Variants in CMIP observed in about 807,000 individuals in gnomAD.
The protein encoded by CMIP is c-Maf inducing protein, also known as C-Maf-inducing protein.
A neutral mutation model predicts 97.3 loss-of-function variants in CMIP; 13 were observed. That is an observed-to-expected ratio of 0.13 (90% CI 0.09 to 0.21). CMIP has a LOEUF of 0.21. Ranked by LOEUF, CMIP falls within the 10% of genes least tolerant of loss-of-function variation. CMIP has a pLI of 1.00. For missense variants in CMIP, 847 were observed against 1,024.9 expected, an observed-to-expected ratio of 0.83 and a Z score of 2.37; for synonymous variants, 538 against 436.3, an observed-to-expected ratio of 1.23 and a Z score of -2.91.
chr16:81,664,459 C>T (rs140212302), intron 7 of CMIP, 110 bp downstream of exon 7: 21 of 1,023,914 alleles, frequency 2.1e-5, no homozygotes, highest in South Asian at 9.8e-5. Context: ...GTTGGCCCAG[C>T]GTGACAGCCA....
rs576486698 is a variant in CMIP, at chr16:81,606,481, G to C, written c.301-1086G>C. Reference sequence around the variant, plus strand: ...GCTCCTGGTGGCCATTGTATCCCTCGGTCACCTGGTGCCTTCTCGGGACAG... The same window carrying C: ...GCTCCTGGTGGCCATTGTATCCCTCCGTCACCTGGTGCCTTCTCGGGACAG... On this transcript the variant is annotated intron_variant, in intron 1 of 20. Coordinates refer to ENST00000537098, the MANE Select transcript of CMIP (RefSeq NM_198390.3). 1.1e-4 allele frequency among the ~76,000 whole-genome samples: 17 copies of C among 152,220 alleles called. No individual in the cohort carries two copies. In the South Asian group the frequency reaches 3.5e-3, roughly 32 times the overall value.
In CMIP at chr16:81,599,322, C is replaced by G. The variant is rs377209467; in HGVS notation, c.301-8245C>G. Among the ~76,000 whole-genome samples, 37 of 152,188 alleles carry G rather than the reference C, an allele frequency of 2.4e-4. 1 individual carries two copies. Among genetic ancestry groups the G allele is most frequent in the African/African-American group, 8.0e-4 (33 of 41,442 alleles). On this transcript the variant is annotated intron_variant, in intron 1 of 20. Transcript: ENST00000537098. Reference sequence around the variant, plus strand: ...ATTTCTTCTGGGACCAAGGCCCAAACCGGCCCTTCTAGGATCATATCGTTA... The same window carrying G: ...ATTTCTTCTGGGACCAAGGCCCAAAGCGGCCCTTCTAGGATCATATCGTTA...
intron 1 of CMIP, among the ~76,000 whole-genome samples, chr16:81,488,216 A>G (rs1446626751): frequency 1.3e-5 from 2 of 152,104 alleles, no homozygotes; most frequent in South Asian, 2.1e-4. Flanking sequence ...CGAAGCTGAG[A>G]GAGTGCGACC....
chr16:81,620,586 G>A, intron 2 of CMIP: 1 of 354,254 alleles, frequency 2.8e-6, no homozygotes, highest in South Asian at 3.3e-5. Flanking sequence ...CCAGCTGTGT[G>A]TGCAGTTAAA....
At chr16:81,509,635 G>A (rs1327284332) in intron 1 of CMIP, among the ~76,000 whole-genome samples, 2 of 152,192 alleles carry the variant, frequency 1.3e-5, no homozygotes, top group East Asian at 3.8e-4. Context: ...TCGAGCCAGG[G>A]CGGCCCTAAG....
chr16:81,696,442 G>A, intron 13 of CMIP, 118 bp from the exon 14 acceptor site: 1 of 970,314 alleles, frequency 1.0e-6, no homozygotes, highest in Non-Finnish European at 1.6e-6. Flanking sequence ...ACAAAGTTAA[G>A]CGGGTTTCTT....
chr16:81,645,235 C>T lies in CMIP; in HGVS notation c.478-6968C>T, dbSNP rs1261168708. 4.8e-5 allele frequency: 25 copies of T among 518,238 alleles called. No individual in the cohort carries two copies. In the Middle Eastern group the frequency reaches 2.0e-3, roughly 42 times the overall value. The allele number at this position is 518,238 out of a possible 1,614,324, so 32.1% of individuals were successfully genotyped here. A position where few individuals can be genotyped will look rare whatever the true frequency, so the allele number is the denominator to read the frequency against. On this transcript the variant is annotated intron_variant, in intron 3 of 20. Transcript: ENST00000537098. ...CTGCACTGGAAAAAGTTTTCAAAGC[C>T]GGGCTGGGTCCTCCCTGGCTCATAT...
chr16:81,704,127 C>G (rs993736675), intron 18 of CMIP, 42 bp downstream of exon 18: 3 of 1,570,776 alleles, frequency 1.9e-6, no homozygotes, highest in Non-Finnish European at 2.6e-6. Context: ...CACCCTCCTC[C>G]TTCACCTCTG....
chr16:81,691,344 A>T (rs1163998103), intron 10 of CMIP, among the ~76,000 whole-genome samples: 1 of 151,232 alleles, frequency 6.6e-6, no homozygotes, highest in South Asian at 2.1e-4. Context: ...CTACAGCCTC[A>T]TTGTAACCTA....
chr16:81,605,316 G>A (rs977184201), intron 1 of CMIP, among the ~76,000 whole-genome samples: 3 of 152,198 alleles, frequency 2.0e-5, no homozygotes, highest in African/African-American at 4.8e-5. Context: ...GTCCTCTGAG[G>A]GGTGAGCGAT....
At chr16:81,464,490 A>T (rs1907082212) in intron 1 of CMIP, 1 of 141,626 alleles carries the variant, frequency 7.1e-6, no homozygotes, top group Admixed American at 6.9e-5. Flanking sequence ...GGGAAGAGTG[A>T]AGGTCTCATT....
intron 1 of CMIP, among the ~76,000 whole-genome samples, chr16:81,605,813 G>T (rs1420651595): frequency 6.6e-6 from 1 of 152,194 alleles, no homozygotes; most frequent in South Asian, 2.1e-4. Flanking sequence ...TGCCCACTAA[G>T]CTCCTGTCTT....
chr16:81,521,496 G>A (rs1300449363), intron 1 of CMIP, among the ~76,000 whole-genome samples: 4 of 152,152 alleles, frequency 2.6e-5, no homozygotes, highest in Non-Finnish European at 5.9e-5. Flanking sequence ...TGGAAGGACT[G>A]GGTTGCAACA....
intron 1 of CMIP, among the ~76,000 whole-genome samples, chr16:81,545,468 G>A (rs1179154743): frequency 1.3e-5 from 2 of 152,174 alleles, no homozygotes; most frequent in Non-Finnish European, 2.9e-5. Flanking sequence ...CAGTAATAAC[G>A]TTTACTGAGC....
chr16:81,644,079 C>T (rs964838714), intron 3 of CMIP, among the ~76,000 whole-genome samples: 8 of 152,258 alleles, frequency 5.3e-5, no homozygotes, highest in African/African-American at 1.9e-4. Context: ...ACCCTATAGC[C>T]CTGACCTGTA....
intron 1 of CMIP, among the ~76,000 whole-genome samples, chr16:81,547,215 G>T (rs2090564594): frequency 6.6e-6 from 1 of 152,174 alleles, no homozygotes; most frequent in South Asian, 2.1e-4. Flanking sequence ...ATATGTCAAG[G>T]CCTGGCCTCC....
intron 10 of CMIP, among the ~76,000 whole-genome samples, chr16:81,689,115 T>C (rs1160984663): frequency 6.6e-6 from 1 of 152,230 alleles, no homozygotes; most frequent in East Asian, 1.9e-4. Context: ...CTGCAATCAA[T>C]ATACATGTGC....
chr16:81,706,327 G>A (rs905535779), intron 19 of CMIP, among the ~76,000 whole-genome samples: 3 of 152,342 alleles, frequency 2.0e-5, no homozygotes, highest in Admixed American at 6.5e-5. Flanking sequence ...GTTGGCCAAG[G>A]GGGAGGCACC....
intron 14 of CMIP, among the ~76,000 whole-genome samples, chr16:81,698,520 C>T (rs879822036): frequency 6.6e-5 from 10 of 152,204 alleles, no homozygotes; most frequent in African/African-American, 1.4e-4. Context: ...GAAGTTTCTA[C>T]GTGGTTCCAG....
Sources: allele counts gnomAD v4.1 joint callset (sites outside exome capture counted in the v4.1 genomes callset), GRCh38; gene constraint gnomAD v4.1.1; transcripts MANE v1.5; gene names NCBI Gene and HGNC (gene_info 2026-07-23, HGNC 2026-07-21).